TSHZ2: variants seen among roughly 807,000 people sequenced by gnomAD.
TSHZ2 encodes the protein teashirt zinc finger homeobox 2.
TSHZ2 carries 21 observed loss-of-function variants against 74.4 expected under a neutral mutation model. The observed-to-expected ratio is 0.28, with a 90% confidence interval of 0.20 to 0.41. TSHZ2 has a LOEUF of 0.41. Among genes scored for constraint, TSHZ2 ranks in the 10% least tolerant of loss-of-function variants. The pLI, the probability that TSHZ2 is intolerant of heterozygous loss-of-function variation, is 1.00. For synonymous variants in TSHZ2, 540 were observed against 515.3 expected, an observed-to-expected ratio of 1.05 and a Z score of -0.65; for missense variants, 1,244 against 1,293.5, an observed-to-expected ratio of 0.96 and a Z score of 0.59.
intron 1 of TSHZ2, among the ~76,000 whole-genome samples, chr20:53,226,635 T>A (rs1289212933): frequency 6.6e-6 from 1 of 152,196 alleles, no homozygotes; most frequent in Non-Finnish European, 1.5e-5. Context: ...ATTATCCTAA[T>A]AAAGCTCAGG....
chr20:53,026,116 A>AAC (rs963278314), intron 1 of TSHZ2, among the ~76,000 whole-genome samples: 3 of 152,194 alleles, frequency 2.0e-5, no homozygotes, highest in East Asian at 3.9e-4. Context: ...TCCTCTTCCC[A>AAC]ACACACACAC....
chr20:53,116,689 C>A (rs1986676466), intron 1 of TSHZ2, among the ~76,000 whole-genome samples: 1 of 152,196 alleles, frequency 6.6e-6, no homozygotes, highest in African/African-American at 2.4e-5. Context: ...CAGTGGTCTT[C>A]TACTCATACT....
In TSHZ2 at chr20:53,189,910, C is replaced by T. The variant is rs1407809524; in HGVS notation, c.41-63589C>T. ...ACCAGCCTGAGCAACATGGTGAAAC[C>T]TCATGTCTACGAAAAATACAAAAAT... On this transcript the variant is annotated intron_variant, in intron 1 of 2. Transcript: ENST00000371497. Among the ~76,000 whole-genome samples, 3 of 150,604 alleles carry T rather than the reference C, an allele frequency of 2.0e-5. No homozygotes were observed. In the East Asian group the frequency reaches 5.9e-4, roughly 30 times the overall value.
chr20:52,992,185 C>A (rs1349696384), intron 1 of TSHZ2, among the ~76,000 whole-genome samples: 1 of 152,176 alleles, frequency 6.6e-6, no homozygotes, highest in African/African-American at 2.4e-5. Context: ...GTCAGGGATT[C>A]ATCTTAGGAA....
chr20:53,151,816 T>C (rs948658421), intron 1 of TSHZ2, among the ~76,000 whole-genome samples: 9 of 152,334 alleles, frequency 5.9e-5, no homozygotes, highest in Non-Finnish European at 1.3e-4. Context: ...TCATAATTGA[T>C]ACATATGGAT....
intron 2 of TSHZ2, among the ~76,000 whole-genome samples, chr20:53,332,487 C>T (rs1277240072): frequency 2.0e-5 from 3 of 152,114 alleles, no homozygotes; most frequent in African/African-American, 7.2e-5. Flanking sequence ...TTAAGGAATT[C>T]ACACATGATC....
chr20:53,179,308 A>C (rs1261967910), intron 1 of TSHZ2: 2 of 152,236 alleles, frequency 1.3e-5, no homozygotes, highest in East Asian at 3.8e-4. Context: ...CTAGGTGAAC[A>C]AATTATCAAA....
intron 1 of TSHZ2, among the ~76,000 whole-genome samples, chr20:53,159,239 G>A (rs1368306088): frequency 6.6e-6 from 1 of 152,232 alleles, no homozygotes; most frequent in Non-Finnish European, 1.5e-5. Context: ...TTAAATGCCA[G>A]GCTGAGCCTG....
intron 1 of TSHZ2, among the ~76,000 whole-genome samples, chr20:52,986,162 C>A (rs1981747200): frequency 6.7e-6 from 1 of 150,368 alleles, no homozygotes; most frequent in African/African-American, 2.5e-5. Context: ...GAGTCCTAGG[C>A]AGGCGGATCA....
rs1600630405 is a variant in TSHZ2 at position 53,426,624 on chromosome 20, GTTT to G, written c.*9-60519_*9-60517del. Among the ~76,000 whole-genome samples, 5 of 152,262 alleles carry G rather than the reference GTTT, an allele frequency of 3.3e-5. No individual in the cohort carries two copies. The East Asian group carries it at 9.6e-4, about 29-fold the overall frequency. On this transcript the variant is annotated intron_variant, in intron 2 of 2. Transcript: ENST00000371497. Reference sequence around the variant, plus strand: ...AATGATGATTTTTATTTTAGCGGAAGTTTCAGCGCGTTTTCTGCCCAGCCTGGG... The same window carrying G: ...AATGATGATTTTTATTTTAGCGGAAGCAGCGCGTTTTCTGCCCAGCCTGGG...
chr20:53,190,682 T>C (rs184244184), intron 1 of TSHZ2, among the ~76,000 whole-genome samples: 159 of 152,350 alleles, frequency 1.0e-3, no homozygotes, highest in Non-Finnish European at 3.7e-4. Context: ...GCAAGATTGA[T>C]AGATGATGCA....
intron 2 of TSHZ2, among the ~76,000 whole-genome samples, chr20:53,486,076 C>A (rs967798350): frequency 2.0e-5 from 3 of 152,152 alleles, no homozygotes; most frequent in African/African-American, 7.2e-5. Flanking sequence ...CAGTCCCTGG[C>A]AACCATCATT....
intron 1 of TSHZ2, among the ~76,000 whole-genome samples, chr20:53,048,194 C>T (rs1160288399): frequency 1.3e-5 from 2 of 152,104 alleles, no homozygotes; most frequent in East Asian, 3.8e-4. Flanking sequence ...AGGGTAGAGC[C>T]GATCAAAGAC....
At chr20:53,009,173 A>G (rs975872168) in intron 1 of TSHZ2, among the ~76,000 whole-genome samples, 1 of 151,784 alleles carries the variant, frequency 6.6e-6, no homozygotes, top group Non-Finnish European at 1.5e-5. Flanking sequence ...CAAAAAATAT[A>G]TATATATACA....
At chr20:53,207,923 C>T (rs951362844) in intron 1 of TSHZ2, among the ~76,000 whole-genome samples, 3 of 133,204 alleles carry the variant, frequency 2.3e-5, no homozygotes, top group African/African-American at 5.7e-5. Context: ...TGGTCTCAAA[C>T]TCCTGGTTTC....
At chr20:53,302,618 AG>A (rs1345147648) in intron 2 of TSHZ2, among the ~76,000 whole-genome samples, 1 of 152,150 alleles carries the variant, frequency 6.6e-6, no homozygotes, top group African/African-American at 2.4e-5. Flanking sequence ...ACACTTCCTC[AG>A]GATTAGGCCA....
chr20:53,178,972 C>G (rs1988408679), intron 1 of TSHZ2: 1 of 152,222 alleles, frequency 6.6e-6, no homozygotes, highest in Non-Finnish European at 1.5e-5. Context: ...AGCATCCACT[C>G]ATGCGAAACA....
chr20:53,135,551 G>A (rs1987225353), intron 1 of TSHZ2, among the ~76,000 whole-genome samples: 1 of 152,088 alleles, frequency 6.6e-6, no homozygotes, highest in Non-Finnish European at 1.5e-5. Context: ...TCCCAAGAGT[G>A]GAGATTTCCT....
chr20:53,110,024 A>T (rs946293851), intron 1 of TSHZ2, among the ~76,000 whole-genome samples: 1 of 152,084 alleles, frequency 6.6e-6, no homozygotes, highest in African/African-American at 2.4e-5. Flanking sequence ...CTACATTTCC[A>T]TTTTTTCACC....
Sources: gnomAD v4.1 joint callset for allele counts (sites outside exome capture counted in the v4.1 genomes callset) on GRCh38, gnomAD v4.1.1 for gene constraint, MANE v1.5 for transcripts, NCBI Gene and HGNC (gene_info 2026-07-23, HGNC 2026-07-21) for gene names.